Variants in S100A16 observed in about 807,000 individuals in gnomAD.
S100A16 encodes the protein S100 calcium binding protein A16.
Under a neutral mutation model 9.0 loss-of-function variants are expected in S100A16, and 8 were observed. The ratio of observed to expected loss-of-function variants is 0.89; its 90% CI spans 0.52 to 1.60. The LOEUF is 1.60. Ranked by LOEUF, S100A16 falls within the 40% of genes most tolerant of loss-of-function variation. S100A16 has a pLI of 0.00. For synonymous variants in S100A16, 51 were observed against 51.4 expected (o/e 0.99, Z 0.04); for missense variants, 138 against 132.4 (o/e 1.04, Z -0.21).
intron 1 of S100A16, among the ~76,000 whole-genome samples, chr1:153,612,078 G>A (rs1465288010): frequency 1.3e-5 from 2 of 152,070 alleles, no homozygotes; most frequent in South Asian, 2.1e-4. Context: ...AGTTGGAGGA[G>A]TTCAGTGTGG....
chr1:153,609,089 C>T, intron 1 of S100A16: 1 of 985,768 alleles, frequency 1.0e-6, no homozygotes, highest in Non-Finnish European at 1.2e-6. Context: ...GAGTCACGGC[C>T]CATGCCCAAA....
At chr1:153,607,769 C>T (rs1666730215) in intron 2 of S100A16, 77 bp from the exon 3 acceptor site, 4 of 1,561,600 alleles carry the variant, frequency 2.6e-6, no homozygotes, top group Non-Finnish European at 3.5e-6. Context: ...AGGCAGAGAC[C>T]CAGGATCTGG....
intron 1 of S100A16, among the ~76,000 whole-genome samples, chr1:153,612,241 G>A (rs1194109985): frequency 1.3e-5 from 2 of 152,122 alleles, no homozygotes; most frequent in African/African-American, 4.8e-5. Flanking sequence ...CATAGTGCAG[G>A]TGGCTCTGCC....
chr1:153,607,116 C>CTGCTGCTGT lies in S100A16; in HGVS notation c.*409_*417dup, dbSNP rs1274888411. 6.6e-6 allele frequency: 3 copies of CTGCTGCTGT among 453,638 alleles called. No homozygotes were observed. Among genetic ancestry groups the CTGCTGCTGT allele is most frequent in the Admixed American group, 4.8e-5 (2 of 41,558 alleles). 28.1% of individuals were successfully genotyped at this position (453,638 alleles called of 1,614,324 possible). A position where few individuals can be genotyped will look rare whatever the true frequency, so the allele number is the denominator to read the frequency against. ...GTCTCTGCTGCTGCTGCTGCTGCTG[C>CTGCTGCTGT]TGCTGCTGTTGCTGCTACCACTGCC... is the stretch of plus-strand genomic sequence containing the variant. On this transcript the variant is annotated 3_prime_UTR_variant, in exon 3 of 3. Coordinates refer to ENST00000368706, the MANE Select transcript of S100A16 (RefSeq NM_080388.3).
intron 1 of S100A16, among the ~76,000 whole-genome samples, chr1:153,610,705 C>A (rs375858082): frequency 2.0e-5 from 3 of 152,286 alleles, no homozygotes; most frequent in Non-Finnish European, 4.4e-5. Context: ...AAGTGCTTTT[C>A]TGGAGCTTTT....
intron 1 of S100A16, chr1:153,608,980 G>C (rs761371910): frequency 2.0e-6 from 2 of 985,766 alleles, no homozygotes; most frequent in Non-Finnish European, 2.4e-6. Flanking sequence ...GGGCACATGC[G>C]TCACCCTCTC....
intron 1 of S100A16, among the ~76,000 whole-genome samples, chr1:153,608,747 C>T (rs1010939291): frequency 2.6e-5 from 4 of 152,208 alleles, no homozygotes; most frequent in South Asian, 4.1e-4. Context: ...CTGGCTGCCC[C>T]TTATGGGAAA....
At chr1:153,609,633 A>G (rs1666790476) in intron 1 of S100A16, among the ~76,000 whole-genome samples, 1 of 152,144 alleles carries the variant, frequency 6.6e-6, no homozygotes, top group East Asian at 1.9e-4. Context: ...ACTTTAGGAC[A>G]GTTTTTTCAA....
chr1:153,608,557 C>T (rs998290966), intron 1 of S100A16, among the ~76,000 whole-genome samples: 2 of 152,182 alleles, frequency 1.3e-5, no homozygotes, highest in Non-Finnish European at 2.9e-5. Flanking sequence ...CCACCTCTCC[C>T]GGGGCCAAGC....
At position 153,607,563 on chromosome 1, in the gene S100A16, G is replaced by A. The variant is rs1283343800; in HGVS notation, c.283C>T (p.His95Tyr). 6.2e-7 allele frequency: 1 copy of A among 1,614,202 alleles called. No homozygotes were observed. The highest frequency in any genetic ancestry group is 1.7e-5 in the Admixed American group (1 of 60,026). Residue 95 changes from histidine (H) to tyrosine (Y), a missense_variant, in exon 3 of 3, where the codon CAT (histidine) becomes TAT (tyrosine). By Grantham distance (83) the His-to-Tyr change is moderately conservative. Coordinates refer to ENST00000368706, the MANE Select transcript of S100A16 (RefSeq NM_080388.3). ...CTGCTGCTCTGCTGCTCCTGCTCAT[G>A]GATGAGTTTGGCGATGGGGCCGGTG... ...GITGPIAKLI[H>Y]EQEQQSSS
Position 153,608,330 on chromosome 1 carries a change from G to A in S100A16, c.-26-153C>T, listed in dbSNP as rs1023770010. 102 of 637,492 alleles carry A rather than the reference G, an allele frequency of 1.6e-4. No homozygotes were observed. The African/African-American group carries it at 1.7e-3, about 11-fold the overall frequency. The allele number at this position is 637,492 out of a possible 1,614,324, so 39.5% of individuals were successfully genotyped here. A position where few individuals can be genotyped will look rare whatever the true frequency, so the allele number is the denominator to read the frequency against. ...AGGAAAAGGGGAACAGAGTGGGTGG[G>A]GGAGAGTGAGCCCTGGAATGAGAAC... On this transcript the variant is annotated intron_variant, in intron 1 of 2. Transcript: ENST00000368706.
chr1:153,607,892 C>T, intron 2 of S100A16, 107 bp downstream of exon 2: 2 of 1,274,744 alleles, frequency 1.6e-6, no homozygotes, highest in Non-Finnish European at 1.1e-6. Context: ...TTAGCGGGGA[C>T]ACTGGAAGGA....
At chr1:153,609,231 G>A (rs1309234257) in intron 1 of S100A16, 1 of 985,412 alleles carries the variant, frequency 1.0e-6, no homozygotes, top group Non-Finnish European at 1.2e-6. Flanking sequence ...GCCACCATAG[G>A]GGCCTGAGCA....
intron 1 of S100A16, chr1:153,609,425 G>T (rs2101512546): frequency 1.1e-6 from 1 of 934,980 alleles, no homozygotes; most frequent in Non-Finnish European, 1.3e-6. Flanking sequence ...AAGGAAGCCT[G>T]CCTTGACCCC....
intron 1 of S100A16, among the ~76,000 whole-genome samples, chr1:153,611,189 T>C (rs996077825): frequency 2.1e-5 from 2 of 93,378 alleles, no homozygotes; most frequent in African/African-American, 4.2e-5. Flanking sequence ...AAAGCCCAAA[T>C]TGCCCTGACT....
Position 153,607,688 on chromosome 1 carries a change from G to C in S100A16, c.158C>G (p.Thr53Arg), listed in dbSNP as rs201331582. The C allele has an allele frequency of 1.8e-4, 296 of 1,614,054 alleles. No individual in the cohort carries two copies. The highest frequency in any genetic ancestry group is 2.4e-4 in the Non-Finnish European group (282 of 1,180,022). ...QKELNHMLSD[T>R]GNRKAADKLI... ...CTTATCCGCAGCCTTCCGGTTCCCT[G>C]TGTCCTGGGGAGGAAGCAGGGTCAG... is the stretch of plus-strand genomic sequence containing the variant. The change falls in exon 3 of 3, where the codon ACA becomes AGA. Residue 53 changes from threonine (T) to arginine (R), a missense_variant. Transcript: ENST00000368706.
In S100A16 at chr1:153,607,193, G is replaced by A. The variant is rs999013052; in HGVS notation, c.*341C>T. On this transcript the variant is annotated 3_prime_UTR_variant, in exon 3 of 3. Transcript: ENST00000368706. The stretch of plus-strand genomic sequence containing the variant: ...CAAGCTGACCTTTGGAGGTCAGGAC[G>A]GACCCAGAATCAGGCAGGAATTTGG... 1.2e-5 allele frequency: 5 copies of A among 426,850 alleles called. No individual in the cohort carries two copies. Among genetic ancestry groups the A allele is most frequent in the African/African-American group, 2.0e-5 (1 of 49,124 alleles). The allele number at this position is 426,850 out of a possible 1,614,324, so 26.4% of individuals were successfully genotyped here.
In S100A16 at chr1:153,607,551, G is replaced by C. The variant is rs772734071; in HGVS notation, c.295C>G (p.Gln99Glu). Residue 99 changes from glutamine (Q) to glutamate (E), a missense_variant, in exon 3 of 3, where the codon CAG (glutamine) becomes GAG (glutamate). Physicochemically the swap from Gln to Glu is conservative, Grantham distance 29. Coordinates refer to ENST00000368706, the MANE Select transcript of S100A16 (RefSeq NM_080388.3). ...PIAKLIHEQE[Q>E]QSSS ...AGGGGTCTCTAGCTGCTGCTCTGCT[G>C]CTCCTGCTCATGGATGAGTTTGGCG... The C allele has an allele frequency of 6.2e-7, 1 of 1,614,222 alleles. No homozygotes were observed. Among genetic ancestry groups the C allele is most frequent in the South Asian group, 1.1e-5 (1 of 91,092 alleles).
intron 1 of S100A16, among the ~76,000 whole-genome samples, chr1:153,610,510 G>A (rs1666810190): frequency 6.6e-6 from 1 of 152,188 alleles, no homozygotes; most frequent in South Asian, 2.1e-4. Context: ...GCCTCTGGCA[G>A]CAGCCAAGTG....
Sources: gnomAD v4.1 joint callset for allele counts (sites outside exome capture counted in the v4.1 genomes callset) on GRCh38, gnomAD v4.1.1 for gene constraint, MANE v1.5 for transcripts, NCBI Gene and HGNC (gene_info 2026-07-23, HGNC 2026-07-21) for gene names.